RB1: variants seen among roughly 807,000 people sequenced by gnomAD.
The protein encoded by RB1 is RB transcriptional corepressor 1.
A neutral mutation model predicts 135.4 loss-of-function variants in RB1; 18 were observed. The observed-to-expected ratio is 0.13, with a 90% confidence interval of 0.09 to 0.20. The LOEUF (loss-of-function observed/expected upper bound fraction) is 0.20, where lower values mean the gene tolerates loss of function less well. Among genes scored for constraint, RB1 ranks in the 10% least tolerant of loss-of-function variants. RB1 has a pLI of 1.00. For synonymous variants in RB1, 365 were observed against 373.2 expected, an observed-to-expected ratio of 0.98 and a Z score of 0.25; for missense variants, 868 against 1,110.0, an observed-to-expected ratio of 0.78 and a Z score of 3.10.
chr13:48,316,139 G>C (rs1460509794), intron 2 of RB1, among the ~76,000 whole-genome samples: 1 of 152,092 alleles, frequency 6.6e-6, no homozygotes, highest in South Asian at 2.1e-4. Context: ...GCTGACATCC[G>C]CGGGGATTTC....
chr13:48,459,888 T>TTATTTCTTTCTTTCTTC (rs1555294131), intron 20 of RB1, 55 bp downstream of exon 20: 12 of 257,020 alleles, frequency 4.7e-5, no homozygotes, highest in Non-Finnish European at 7.2e-5. Flanking sequence ...GTTAACTGAT[T>TTATTTCTTTCTTTCTTC]CTTTCTTTCT....
chr13:48,319,675 C>T lies in RB1; in HGVS notation c.264+12269C>T, dbSNP rs1952217520. On this transcript the variant is annotated intron_variant, in intron 2 of 26. Coordinates refer to ENST00000267163, the MANE Select transcript of RB1 (RefSeq NM_000321.3). The surrounding 1 kb of genome is among the most constrained non-coding windows in gnomAD (Gnocchi z 5.0). ...AGACCCTGCCGATGCGCCACCTTTG[C>T]GGCTAGCTCTTCGTGGGATTTCAAG... 2 of 251,972 alleles carry T rather than the reference C, an allele frequency of 7.9e-6. No homozygotes were observed. The allele number at this position is 251,972 out of a possible 1,614,324, so 15.6% of individuals were successfully genotyped here. A position where few individuals can be genotyped will look rare whatever the true frequency, so the allele number is the denominator to read the frequency against.
chr13:48,432,028 A>G lies in RB1; in HGVS notation c.1696-20965A>G, dbSNP rs117586642. The stretch of plus-strand genomic sequence containing the variant: ...TTTGGAGAAGACAATCAATAAATAA[A>G]CAATTATACAACTGGTCATATGGTG... On this transcript the variant is annotated intron_variant, in intron 17 of 26. Transcript: ENST00000267163. Among the ~76,000 whole-genome samples, 760 of 152,338 alleles carry G rather than the reference A, an allele frequency of 5.0e-3. 5 individuals are homozygous for G. The highest frequency in any genetic ancestry group is 0.017 in the Middle Eastern group (5 of 294).
intron 17 of RB1, among the ~76,000 whole-genome samples, chr13:48,451,950 A>G (rs994409356): frequency 6.6e-6 from 1 of 151,820 alleles, no homozygotes; most frequent in Admixed American, 6.6e-5. Flanking sequence ...CTTTGGGGTA[A>G]GGGTGGTATC....
Position 48,303,876 on chromosome 13 carries a change from C to A in RB1, c.-37C>A, listed in dbSNP as rs542151787. The stretch of plus-strand genomic sequence containing the variant: ...GCGCGCGTCGTCCTCCCCGGCGCTC[C>A]TCCACAGCTCGCTGGCTCCCGCCGC... On this transcript the variant is annotated 5_prime_UTR_variant, in exon 1 of 27. Transcript: ENST00000267163. 5.9e-5 allele frequency: 90 copies of A among 1,512,748 alleles called. No individual in the cohort carries two copies. Among genetic ancestry groups the A allele is most frequent in the Admixed American group, 1.0e-4 (5 of 49,104 alleles). 93.7% of individuals were successfully genotyped at this position (1,512,748 alleles called of 1,614,324 possible). A position where few individuals can be genotyped will look rare whatever the true frequency, so the allele number is the denominator to read the frequency against.
chr13:48,423,190 C>A (rs1949031475), intron 17 of RB1, among the ~76,000 whole-genome samples: 1 of 152,066 alleles, frequency 6.6e-6, no homozygotes, highest in African/African-American at 2.4e-5. Flanking sequence ...TGTAATGCAT[C>A]GGTTTTTAAA....
intron 1 of RB1, among the ~76,000 whole-genome samples, chr13:48,304,252 C>T (rs2138028883): frequency 6.6e-6 from 1 of 152,050 alleles, no homozygotes; most frequent in South Asian, 2.1e-4. Context: ...GGGGTCTCGG[C>T]TTCAACTTGA....
intron 2 of RB1, among the ~76,000 whole-genome samples, chr13:48,334,726 G>T (rs1952367946): frequency 6.6e-6 from 1 of 152,066 alleles, no homozygotes; most frequent in South Asian, 2.1e-4. Flanking sequence ...TCACCACTTG[G>T]TGGAGCTCTT....
At chr13:48,417,363 C>G (rs907468004) in intron 17 of RB1, 1 of 152,308 alleles carries the variant, frequency 6.6e-6, no homozygotes, top group Non-Finnish European at 1.5e-5. Flanking sequence ...AACTAACAAA[C>G]AGAAATGAAT....
intron 2 of RB1, among the ~76,000 whole-genome samples, chr13:48,313,335 C>T (rs1490769483): frequency 6.6e-6 from 1 of 150,886 alleles, no homozygotes; most frequent in Non-Finnish European, 1.5e-5. Flanking sequence ...TCATTTGCAG[C>T]GTAGGATTTT....
At chr13:48,305,108 C>G (rs1952070176) in intron 1 of RB1, among the ~76,000 whole-genome samples, 1 of 152,046 alleles carries the variant, frequency 6.6e-6, no homozygotes, top group Admixed American at 6.5e-5. Context: ...AGCACTGGTT[C>G]TACTTTGAGA....
At chr13:48,477,123 A>G (rs1949509063) in intron 25 of RB1, among the ~76,000 whole-genome samples, 1 of 152,206 alleles carries the variant, frequency 6.6e-6, no homozygotes, top group Admixed American at 6.5e-5. Flanking sequence ...AAAAATGTTT[A>G]CTCTTGAAAA....
At chr13:48,401,234 A>G (rs548792619) in intron 17 of RB1, 1 of 152,290 alleles carries the variant, frequency 6.6e-6, no homozygotes, top group Non-Finnish European at 1.5e-5. Flanking sequence ...AGAATTTTAT[A>G]AAGAGTCATG....
intron 17 of RB1, among the ~76,000 whole-genome samples, chr13:48,413,945 C>T (rs879478218): frequency 1.3e-5 from 2 of 152,172 alleles, no homozygotes; most frequent in Non-Finnish European, 2.9e-5. Flanking sequence ...CCTCCCAGCT[C>T]TTCCCTTAAC....
chr13:48,416,818 G>A (rs150278915), intron 17 of RB1, among the ~76,000 whole-genome samples: 1,916 of 152,252 alleles, frequency 0.013, 44 homozygotes, highest in African/African-American at 0.044. Context: ...CAAAGCCACC[G>A]GGAAGTTTGA....
At chr13:48,327,182 A>T (rs1349370779) in intron 2 of RB1, among the ~76,000 whole-genome samples, 19 of 149,328 alleles carry the variant, frequency 1.3e-4, no homozygotes, top group African/African-American at 3.5e-4. Context: ...ACAATGTTAA[A>T]TTTTTTTTTT....
At chr13:48,337,663 C>A (rs954734773) in intron 2 of RB1, among the ~76,000 whole-genome samples, 15 of 152,292 alleles carry the variant, frequency 9.8e-5, no homozygotes, top group African/African-American at 3.6e-4. Context: ...TTAATTGGAG[C>A]ATTTAGCCCA....
chr13:48,388,757 A>C (rs1172115723), intron 17 of RB1, among the ~76,000 whole-genome samples: 1 of 152,188 alleles, frequency 6.6e-6, no homozygotes, highest in Non-Finnish European at 1.5e-5. Flanking sequence ...ATAGAATTCT[A>C]AGGAGCTCTA....
chr13:48,398,462 T>A (rs1181588065), intron 17 of RB1, among the ~76,000 whole-genome samples: 1 of 152,082 alleles, frequency 6.6e-6, no homozygotes, highest in Admixed American at 6.6e-5. Flanking sequence ...CATCTGGGCT[T>A]AAATACTGAG....
Sources: allele counts gnomAD v4.1 joint callset (sites outside exome capture counted in the v4.1 genomes callset), GRCh38; gene constraint gnomAD v4.1.1; non-coding constraint Gnocchi (gnomAD v3.1); transcripts MANE v1.5; gene names NCBI Gene and HGNC (gene_info 2026-07-23, HGNC 2026-07-21).